The following ANKRD13C variants were observed in gnomAD, a reference collection of about 807,000 sequenced individuals.
ANKRD13C encodes the protein ankyrin repeat domain 13C.
ANKRD13C carries 16 observed loss-of-function variants against 65.5 expected under a neutral mutation model. The observed-to-expected ratio is 0.24, with a 90% confidence interval of 0.17 to 0.37. ANKRD13C has a LOEUF of 0.37. ANKRD13C is among the 10% of genes least tolerant of loss of function. The pLI is 1.00. For synonymous variants in ANKRD13C, 235 were observed against 238.7 expected, an observed-to-expected ratio of 0.98 and a Z score of 0.14; for missense variants, 503 against 655.9, an observed-to-expected ratio of 0.77 and a Z score of 2.55.
chr1:70,345,155 C>T (rs939502508), intron 1 of ANKRD13C, among the ~76,000 whole-genome samples: 2 of 152,022 alleles, frequency 1.3e-5, no homozygotes, highest in African/African-American at 2.4e-5. Context: ...CACAGCTGGG[C>T]GCGGTGGCTC....
intron 7 of ANKRD13C, 26 bp from the exon 8 acceptor site, chr1:70,296,287 T>A (rs1223011555): frequency 1.9e-6 from 3 of 1,596,838 alleles, no homozygotes; most frequent in Non-Finnish European, 2.6e-6. Flanking sequence ...AAGTTAAATA[T>A]AAAAATCTAG....
intron 1 of ANKRD13C, among the ~76,000 whole-genome samples, chr1:70,336,345 G>T (rs1397304025): frequency 2.6e-5 from 4 of 152,030 alleles, no homozygotes; most frequent in Non-Finnish European, 5.9e-5. Context: ...TTTTCAAACA[G>T]ATTTCACAGA....
chr1:70,300,868 G>A lies in ANKRD13C; in HGVS notation c.817C>T (p.Gln273Ter). 1.9e-6 allele frequency: 3 copies of A among 1,613,640 alleles called. No individual in the cohort carries two copies. The highest frequency in any genetic ancestry group is 2.5e-6 in the Non-Finnish European group (3 of 1,179,900). Residue 273 changes from glutamine to a stop codon, truncating the protein, a stop_gained, in exon 7 of 13, where the codon CAA becomes TAA. Transcript: ENST00000370944. LOFTEE classifies it high-confidence loss of function. ...TLIDFTDMKC[Q>*]RGDLSFIFNG... ...AAAATGAAGCTTAGATCCCCTCGTTGGCACTTCATGTCAGTAAAGTCTATG... is the reference window on the plus strand; with the variant it reads ...AAAATGAAGCTTAGATCCCCTCGTTAGCACTTCATGTCAGTAAAGTCTATG...
Position 70,348,416 on chromosome 1 carries a change from C to T in ANKRD13C, c.430+5563G>A, listed in dbSNP as rs577668663. Among the ~76,000 whole-genome samples, 104 of 152,194 alleles carry T rather than the reference C, an allele frequency of 6.8e-4. 1 individual carries two copies. Among genetic ancestry groups the T allele is most frequent in the African/African-American group, 2.3e-3 (95 of 41,530 alleles). On this transcript the variant is annotated intron_variant, in intron 1 of 12. Transcript: ENST00000370944. ...GAGTAGCTAGGATTACAGGTGCGCG[C>T]GACCATGCCCGGCTAATGTTTTGTA...
chr1:70,345,046 T>G (rs1475628947), intron 1 of ANKRD13C, among the ~76,000 whole-genome samples: 1 of 152,206 alleles, frequency 6.6e-6, no homozygotes, highest in Non-Finnish European at 1.5e-5. Flanking sequence ...ATATATGCTT[T>G]GCACAAATTC....
chr1:70,340,835 G>A (rs573497077), intron 1 of ANKRD13C, among the ~76,000 whole-genome samples: 2 of 152,058 alleles, frequency 1.3e-5, no homozygotes, highest in East Asian at 1.9e-4. Context: ...TATTGGGGGC[G>A]GGCACGGTGG....
chr1:70,288,882 G>A (rs547944469), intron 9 of ANKRD13C, among the ~76,000 whole-genome samples: 1 of 152,142 alleles, frequency 6.6e-6, no homozygotes, highest in Admixed American at 6.5e-5. Flanking sequence ...GTTACCACTG[G>A]GGGAAACTGG....
intron 5 of ANKRD13C, 29 bp from the exon 6 acceptor site, chr1:70,306,319 ATAAC>A (rs764519811): frequency 6.3e-6 from 9 of 1,419,978 alleles, no homozygotes; most frequent in Non-Finnish European, 8.6e-6. Context: ...AAGGTAAAAA[ATAAC>A]TACCTAAATT....
intron 9 of ANKRD13C, among the ~76,000 whole-genome samples, chr1:70,289,751 T>C (rs996478053): frequency 2.6e-5 from 4 of 151,958 alleles, no homozygotes; most frequent in Non-Finnish European, 5.9e-5. Context: ...GCTGGAATTA[T>C]AGGCCTGAGC....
chr1:70,330,542 A>T (rs566526481), intron 2 of ANKRD13C, among the ~76,000 whole-genome samples: 3 of 139,684 alleles, frequency 2.1e-5, no homozygotes, highest in South Asian at 5.0e-4. Flanking sequence ...TGGGTGACAG[A>T]GTGAGCCTCC....
intron 1 of ANKRD13C, among the ~76,000 whole-genome samples, chr1:70,339,105 G>C (rs1451436310): frequency 6.6e-6 from 1 of 151,554 alleles, no homozygotes; most frequent in African/African-American, 2.4e-5. Flanking sequence ...AGCTGCTTGG[G>C]AAGCCGAAGT....
intron 9 of ANKRD13C, among the ~76,000 whole-genome samples, chr1:70,282,672 C>T (rs1337579516): frequency 6.6e-6 from 1 of 152,112 alleles, no homozygotes; most frequent in African/African-American, 2.4e-5. Context: ...GTTAATGACC[C>T]TCACAAATGC....
In ANKRD13C at chr1:70,260,980, C is replaced by G. The variant is rs1471899920; in HGVS notation, c.*1737G>C. ...AGAAGCAACAGTGATCACTGCCTTT[C>G]AGTGTCTCCAACCCCATGTAACCAC... is the stretch of plus-strand genomic sequence containing the variant. On this transcript the variant is annotated 3_prime_UTR_variant, in exon 13 of 13. Transcript: ENST00000370944. The G allele has an allele frequency of 6.6e-6, 1 of 152,108 alleles. No individual in the cohort carries two copies. The highest frequency in any genetic ancestry group is 2.4e-5 in the African/African-American group (1 of 41,442). 9.4% of individuals were successfully genotyped at this position (152,108 alleles called of 1,614,324 possible).
chr1:70,281,922 C>T (rs1679410946), intron 9 of ANKRD13C, among the ~76,000 whole-genome samples: 1 of 150,996 alleles, frequency 6.6e-6, no homozygotes, highest in African/African-American at 2.4e-5. Context: ...ATCGCTTGAA[C>T]CCAGGAGGCA....
intron 8 of ANKRD13C, among the ~76,000 whole-genome samples, chr1:70,295,592 G>C (rs1680048553): frequency 6.6e-6 from 1 of 151,996 alleles, no homozygotes; most frequent in African/African-American, 2.4e-5. Flanking sequence ...ATAACCTCTT[G>C]CTGACAGATA....
chr1:70,353,853 C>T (rs897962098), intron 1 of ANKRD13C, 126 bp downstream of exon 1: 2 of 1,302,702 alleles, frequency 1.5e-6, no homozygotes, highest in Admixed American at 3.1e-5. Flanking sequence ...TCATGATTTA[C>T]CGAACGGCCC....
intron 8 of ANKRD13C, among the ~76,000 whole-genome samples, chr1:70,295,015 C>G (rs1260185102): frequency 6.6e-6 from 1 of 151,870 alleles, no homozygotes; most frequent in Non-Finnish European, 1.5e-5. Context: ...TTTTCTTCCT[C>G]TCTCCACTCC....
At chr1:70,303,822 T>C (rs1680476799) in intron 6 of ANKRD13C, among the ~76,000 whole-genome samples, 1 of 152,210 alleles carries the variant, frequency 6.6e-6, no homozygotes, top group Non-Finnish European at 1.5e-5. Context: ...TCTCATCACC[T>C]AGGCAAAAAA....
At chr1:70,320,846 G>A (rs1454357218) in intron 3 of ANKRD13C, among the ~76,000 whole-genome samples, 1 of 151,478 alleles carries the variant, frequency 6.6e-6, no homozygotes, top group African/African-American at 2.4e-5. Context: ...TTGGAGTGCA[G>A]TGGCGTGATC....
Sources: gnomAD v4.1 joint callset for allele counts (sites outside exome capture counted in the v4.1 genomes callset) on GRCh38, gnomAD v4.1.1 for gene constraint, MANE v1.5 for transcripts, NCBI Gene and HGNC (gene_info 2026-07-23, HGNC 2026-07-21) for gene names.